MYOM2: variants seen among roughly 807,000 people sequenced by gnomAD.
The protein encoded by MYOM2 is myomesin 2, also known as myomesin-2.
A neutral mutation model predicts 187.6 loss-of-function variants in MYOM2; 254 were observed. The observed-to-expected ratio is 1.35, with a 90% CI of 1.22 to 1.50. The LOEUF is 1.50. MYOM2 is among the 40% of genes most tolerant of loss of function. MYOM2 has a pLI of 0.00. For synonymous variants in MYOM2, 981 were observed against 753.8 expected, an observed-to-expected ratio of 1.30 and a Z score of -4.94; for missense variants, 2,796 against 1,924.0, an observed-to-expected ratio of 1.45 and a Z score of -8.48.
At chr8:2,102,177 C>T (rs1374119353) in intron 20 of MYOM2, 1 of 152,526 alleles carries the variant, frequency 6.6e-6, no homozygotes, top group Non-Finnish European at 1.5e-5. Flanking sequence ...GAGTCAGCTT[C>T]TAAGAATCAG....
intron 13 of MYOM2, among the ~76,000 whole-genome samples, chr8:2,081,368 T>G (rs1385586392): frequency 6.9e-6 from 1 of 144,266 alleles, no homozygotes; most frequent in Non-Finnish European, 1.5e-5. Context: ...CCATGTAGAA[T>G]GAGGTTTGGT....
chr8:2,091,609 C>T (rs563302887), intron 15 of MYOM2, among the ~76,000 whole-genome samples: 7 of 152,280 alleles, frequency 4.6e-5, no homozygotes, highest in East Asian at 1.9e-4. Flanking sequence ...CGGAAATGAA[C>T]AAGGTCACGA....
intron 14 of MYOM2, among the ~76,000 whole-genome samples, chr8:2,087,288 C>A (rs879305511): frequency 2.0e-5 from 3 of 152,150 alleles, no homozygotes; most frequent in Admixed American, 2.0e-4. Context: ...CCACCTAATA[C>A]AATAATCGCA....
chr8:2,143,293 T>A, intron 35 of MYOM2, 108 bp from the exon 36 acceptor site: 1 of 1,270,384 alleles, frequency 7.9e-7, no homozygotes. Flanking sequence ...CTCCTGAGCA[T>A]AAACTCCTCA....
intron 6 of MYOM2, among the ~76,000 whole-genome samples, chr8:2,066,897 A>T (rs1475831482): frequency 6.6e-6 from 1 of 152,186 alleles, no homozygotes; most frequent in African/African-American, 2.4e-5. Flanking sequence ...TTCAGGCTAG[A>T]ATTGTAGCTT....
chr8:2,096,634 G>A (rs1796498393), intron 18 of MYOM2, among the ~76,000 whole-genome samples, 200 bp downstream of exon 18: 1 of 152,214 alleles, frequency 6.6e-6, no homozygotes, highest in Admixed American at 6.5e-5. Flanking sequence ...AAGCAGTGAA[G>A]AAGGGAGCTC....
intron 32 of MYOM2, among the ~76,000 whole-genome samples, chr8:2,134,253 T>A (rs527479189): frequency 1.7e-3 from 255 of 152,198 alleles, no homozygotes; most frequent in Middle Eastern, 0.01. Flanking sequence ...CTTCAGGCTC[T>A]CCTCGTCTCT....
At chr8:2,066,653 C>T (rs188511434) in intron 6 of MYOM2, among the ~76,000 whole-genome samples, 1 of 152,228 alleles carries the variant, frequency 6.6e-6, no homozygotes, top group Non-Finnish European at 1.5e-5. Context: ...GGACCCCAGT[C>T]CCAGGCATGT....
chr8:2,094,115 G>A, intron 17 of MYOM2, 24 bp downstream of exon 17: 1 of 1,613,672 alleles, frequency 6.2e-7, no homozygotes, highest in South Asian at 1.1e-5. Context: ...AGGCTGTTGT[G>A]TGCCGATTGC....
At chr8:2,110,549 T>C (rs1242634065) in intron 25 of MYOM2, among the ~76,000 whole-genome samples, 1 of 152,176 alleles carries the variant, frequency 6.6e-6, no homozygotes, top group African/African-American at 2.4e-5. Context: ...GACTTTATTG[T>C]TCAGTGGTGG....
rs1233029762 is a variant in MYOM2, at chr8:2,099,996, TTTCC to T, written c.2441-865_2441-862del. Among the ~76,000 whole-genome samples, 386 of 126,774 alleles carry T rather than the reference TTTCC, an allele frequency of 3.0e-3. 7 individuals carry two copies. Among genetic ancestry groups the T allele is most frequent in the African/African-American group, 9.4e-3 (360 of 38,398 alleles). The allele number at this position is 126,774 out of a possible 152,430, so 83.2% of individuals were successfully genotyped here. On this transcript the variant is annotated intron_variant, in intron 19 of 36. Coordinates refer to ENST00000262113, the MANE Select transcript of MYOM2 (RefSeq NM_003970.4). ...AATTAGAAAATTCCTTCCTTCCTTC[TTTCC>T]TTCCTTCCTTCCTTTCTTTCCTTCC...
At chr8:2,125,266 T>C (rs1395860111) in intron 31 of MYOM2, among the ~76,000 whole-genome samples, 4 of 152,226 alleles carry the variant, frequency 2.6e-5, no homozygotes, top group African/African-American at 4.8e-5. Flanking sequence ...GATTTTTCCA[T>C]GTGGCATAAG....
chr8:2,116,852 G>C (rs1264072329), intron 27 of MYOM2, among the ~76,000 whole-genome samples: 4 of 152,154 alleles, frequency 2.6e-5, no homozygotes, highest in African/African-American at 9.7e-5. Flanking sequence ...CCGCCTCCCG[G>C]GTTCACGCCG....
At position 2,057,380 on chromosome 8, in the gene MYOM2, C is replaced by T. The variant is rs1170026838; in HGVS notation, c.296C>T (p.Ala99Val). 2.5e-6 allele frequency: 4 copies of T among 1,613,396 alleles called. No homozygotes were observed. Among genetic ancestry groups the T allele is most frequent in the East Asian group, 2.2e-5 (1 of 44,888 alleles). ...TCCCTGGTGGCCGCCTATGGTGAGG[C>T]CAAGCGACAGCGCTTCCTCAGCGAG... ...YQSLVAAYGE[A>V]KRQRFLSELA... Residue 99 changes from alanine (A) to valine (V), a missense_variant, in exon 4 of 37, where the codon GCC becomes GTC. Transcript: ENST00000262113.
chr8:2,122,806 A>G (rs1797501821), intron 28 of MYOM2, among the ~76,000 whole-genome samples: 1 of 152,198 alleles, frequency 6.6e-6, no homozygotes, highest in African/African-American at 2.4e-5. Flanking sequence ...TTTTGTGTTA[A>G]GATTTCATTT....
intron 13 of MYOM2, among the ~76,000 whole-genome samples, chr8:2,079,834 T>C (rs1017385244): frequency 1.3e-5 from 2 of 152,188 alleles, no homozygotes; most frequent in African/African-American, 4.8e-5. Context: ...GGTGAAGGAT[T>C]GGTGACTCTT....
At chr8:2,086,470 A>ACACTGTCATGATCTCTGTGTGGCCCCC (rs1279023816) in intron 14 of MYOM2, among the ~76,000 whole-genome samples, 11 of 96,372 alleles carry the variant, frequency 1.1e-4, no homozygotes, top group African/African-American at 1.8e-4. Context: ...ACGTGGCCAC[A>ACACTGTCATGATCTCTGTGTGGCCCCC]CACTGTCATG....
At chr8:2,107,571 C>G (rs1225882363) in intron 23 of MYOM2, among the ~76,000 whole-genome samples, 1 of 152,084 alleles carries the variant, frequency 6.6e-6, no homozygotes, top group Non-Finnish European at 1.5e-5. Flanking sequence ...ATCACACTCT[C>G]GGCTTCTCGA....
intron 36 of MYOM2, 62 bp from the exon 37 acceptor site, chr8:2,144,602 G>A: frequency 6.5e-7 from 1 of 1,543,838 alleles, no homozygotes; most frequent in Non-Finnish European, 8.9e-7. Flanking sequence ...CACCGTCCGA[G>A]GGGGTGACAT....
Sources: allele counts gnomAD v4.1 joint callset (sites outside exome capture counted in the v4.1 genomes callset), GRCh38; gene constraint gnomAD v4.1.1; transcripts MANE v1.5; gene names NCBI Gene and HGNC (gene_info 2026-07-23, HGNC 2026-07-21).